Variants in ADAM20 observed in about 807,000 individuals in gnomAD.
ADAM20 encodes the protein disintegrin and metalloproteinase domain-containing protein 20.
For synonymous variants in ADAM20, 305 were observed against 310.2 expected, an observed-to-expected ratio of 0.98 and a Z score of 0.18; for missense variants, 871 against 883.2, an observed-to-expected ratio of 0.99 and a Z score of 0.18.
In ADAM20 at chr14:70,524,005, A is replaced by G. The variant is rs778401145; in HGVS notation, c.753T>C (p.Asp251=). ...VDSFYHPLEV[D]VILTGIDIWT... ...ATATATCAATTCCAGTCAAAATTAC[A>G]TCAACCTCCAAAGGATGATAGAAGG... is the stretch of plus-strand genomic sequence containing the variant. The change falls in exon 2 of 2, where the codon GAT becomes GAC. Residue 251 remains aspartate, a synonymous_variant. Transcript: ENST00000256389. 2 of 1,613,982 alleles carry G rather than the reference A, an allele frequency of 1.2e-6. No homozygotes were observed. Among genetic ancestry groups the G allele is most frequent in the Non-Finnish European group, 1.7e-6 (2 of 1,179,938 alleles).
At chr14:70,565,111 T>A in the ADAM20 span, among the ~76,000 whole-genome samples, 3 of 151,326 alleles carry the variant, frequency 2.0e-5, no homozygotes, top group Non-Finnish European at 4.4e-5. Context: ...GAAAATTGGA[T>A]TTTATTAAAG....
chr14:70,574,855 T>TA, the ADAM20 span, among the ~76,000 whole-genome samples: 12,929 of 151,838 alleles, frequency 0.085, 1,160 homozygotes, highest in East Asian at 0.51. Flanking sequence ...CATTCAACCT[T>TA]AAAAAATAAG....
At chr14:70,531,567 G>A (rs1485943255) in intron 1 of ADAM20, among the ~76,000 whole-genome samples, 1 of 152,076 alleles carries the variant, frequency 6.6e-6, no homozygotes. Flanking sequence ...GAAGTAAAAT[G>A]ATCTATGTTC....
At chr14:70,573,218 T>C in the ADAM20 span, among the ~76,000 whole-genome samples, 34 of 152,056 alleles carry the variant, frequency 2.2e-4, no homozygotes, top group African/African-American at 8.2e-4. Context: ...ATAAAGAAAA[T>C]GTGGTACATA....
the ADAM20 span, among the ~76,000 whole-genome samples, chr14:70,541,864 C>A: frequency 6.6e-6 from 1 of 152,104 alleles, no homozygotes; most frequent in Non-Finnish European, 1.5e-5. Flanking sequence ...TTATTGTGTG[C>A]CACAAAGGTA....
the ADAM20 span, among the ~76,000 whole-genome samples, chr14:70,579,345 C>G: frequency 6.6e-6 from 1 of 152,068 alleles, no homozygotes. Flanking sequence ...TTGCCAACAT[C>G]TGTTTTTTGA....
the ADAM20 span, among the ~76,000 whole-genome samples, chr14:70,545,623 T>G: frequency 6.6e-6 from 1 of 151,970 alleles, no homozygotes; most frequent in African/African-American, 2.4e-5. Flanking sequence ...ACAAAGAAGG[T>G]CATTACATAA....
chr14:70,573,267 T>C, the ADAM20 span, among the ~76,000 whole-genome samples: 2 of 152,122 alleles, frequency 1.3e-5, no homozygotes, highest in Non-Finnish European at 2.9e-5. Context: ...AAAATGAGAT[T>C]GTGTCCTTTG....
At chr14:70,576,283 G>T in the ADAM20 span, among the ~76,000 whole-genome samples, 1,638 of 152,028 alleles carry the variant, frequency 0.011, 19 homozygotes, top group African/African-American at 0.032. Context: ...TTTTAGAAGG[G>T]GGCATAACAG....
upstream of ADAM20, among the ~76,000 whole-genome samples, chr14:70,537,524 G>A (rs1883861496): frequency 6.6e-6 from 1 of 152,168 alleles, no homozygotes; most frequent in African/African-American, 2.4e-5. Context: ...CCAGTCCTTG[G>A]AGGACCAGTG....
At chr14:70,525,992 T>C (rs12590610) in intron 1 of ADAM20, among the ~76,000 whole-genome samples, 27,084 of 120,690 alleles carry the variant, frequency 0.22, 2,921 homozygotes, top group East Asian at 0.57. Context: ...ATGAGTTACC[T>C]GGATCTACAC....
At chr14:70,568,987 C>G in the ADAM20 span, among the ~76,000 whole-genome samples, 1 of 151,906 alleles carries the variant, frequency 6.6e-6, no homozygotes, top group Non-Finnish European at 1.5e-5. Context: ...ACAACCGTTC[C>G]CAAGGTTAAT....
At chr14:70,553,716 A>G in the ADAM20 span, among the ~76,000 whole-genome samples, 1 of 151,518 alleles carries the variant, frequency 6.6e-6, no homozygotes. Flanking sequence ...CTGATGCTGA[A>G]AAGGCATTTC....
the ADAM20 span, among the ~76,000 whole-genome samples, chr14:70,542,398 A>AATAAACTTGACTT: frequency 6.6e-6 from 1 of 152,202 alleles, no homozygotes; most frequent in East Asian, 1.9e-4. Context: ...TTATGAAGCT[A>AATAAACTTGACTT]ATAAACCCCT....
chr14:70,558,341 G>A, the ADAM20 span, among the ~76,000 whole-genome samples: 1 of 152,220 alleles, frequency 6.6e-6, no homozygotes, highest in East Asian at 1.9e-4. Context: ...GATCGGATTT[G>A]ATATTTACTA....
chr14:70,547,405 A>C, the ADAM20 span: 1 of 147,842 alleles, frequency 6.8e-6, no homozygotes, highest in South Asian at 2.2e-4. Flanking sequence ...GGTTCATCTC[A>C]CTAGGGAGTG....
chr14:70,554,812 G>T, the ADAM20 span, among the ~76,000 whole-genome samples: 1 of 152,136 alleles, frequency 6.6e-6, no homozygotes, highest in Non-Finnish European at 1.5e-5. Context: ...AGGGTGTCCA[G>T]GTTCTTGGCA....
chr14:70,527,871 T>C (rs939872551), intron 1 of ADAM20, among the ~76,000 whole-genome samples: 13 of 152,192 alleles, frequency 8.5e-5, no homozygotes, highest in African/African-American at 3.1e-4. Context: ...TGCTCACTTC[T>C]GCTTTAGGAA....
At chr14:70,559,049 T>C in the ADAM20 span, among the ~76,000 whole-genome samples, 1 of 152,220 alleles carries the variant, frequency 6.6e-6, no homozygotes, top group Admixed American at 6.5e-5. Context: ...ATATATATTC[T>C]ATGATGCCAA....
Sources: allele counts gnomAD v4.1 joint callset (sites outside exome capture counted in the v4.1 genomes callset), GRCh38; gene constraint gnomAD v4.1.1; transcripts MANE v1.5; gene names NCBI Gene and HGNC (gene_info 2026-07-23, HGNC 2026-07-21).